Variants in RBMS3 observed in about 807,000 individuals in gnomAD.
The protein encoded by RBMS3 is RNA binding motif single stranded interacting protein 3, also known as RNA-binding motif, single-stranded-interacting protein 3.
In RBMS3, 27 loss-of-function variants were observed where a neutral mutation model predicts 66.8. The observed-to-expected ratio is 0.40, with a 90% CI of 0.30 to 0.56. RBMS3 has a LOEUF of 0.56. RBMS3 is among the 20% of genes least tolerant of loss of function. The pLI is 0.40. For missense variants in RBMS3, 513 were observed against 549.5 expected (o/e 0.93, Z 0.66); for synonymous variants, 188 against 183.0 (o/e 1.03, Z -0.22).
At chr3:29,520,973 A>C (rs926329919) in intron 3 of RBMS3, among the ~76,000 whole-genome samples, 2 of 151,986 alleles carry the variant, frequency 1.3e-5, no homozygotes, top group African/African-American at 2.4e-5. Context: ...GGTTGTTCCT[A>C]ACTGTGTTCA....
At chr3:29,559,475 C>T (rs530382247) in intron 3 of RBMS3, among the ~76,000 whole-genome samples, 3 of 126,042 alleles carry the variant, frequency 2.4e-5, no homozygotes, top group African/African-American at 9.3e-5. Flanking sequence ...TGTGCCACTG[C>T]ACCCCAGCCT....
At chr3:29,623,956 A>G (rs534620475) in intron 4 of RBMS3, among the ~76,000 whole-genome samples, 18 of 152,184 alleles carry the variant, frequency 1.2e-4, no homozygotes, top group South Asian at 2.1e-4. Flanking sequence ...AATTATGGGG[A>G]AAAAAAAGCA....
intron 1 of RBMS3, among the ~76,000 whole-genome samples, chr3:29,402,470 T>G (rs2039852753): frequency 6.6e-6 from 1 of 152,080 alleles, no homozygotes; most frequent in African/African-American, 2.4e-5. Context: ...TGTAGGTTTT[T>G]ACAACACCAG....
intron 1 of RBMS3, among the ~76,000 whole-genome samples, chr3:29,371,089 C>T (rs1005805302): frequency 6.6e-6 from 1 of 152,178 alleles, no homozygotes; most frequent in Non-Finnish European, 1.5e-5. Flanking sequence ...TTAGAATTCC[C>T]AAAACGCTGT....
At chr3:29,726,138 G>T (rs572889361) in intron 4 of RBMS3, among the ~76,000 whole-genome samples, 1 of 152,052 alleles carries the variant, frequency 6.6e-6, no homozygotes, top group Non-Finnish European at 1.5e-5. Context: ...TGCAGAAAAC[G>T]CCTTCGATAA....
intron 3 of RBMS3, among the ~76,000 whole-genome samples, chr3:29,579,628 A>G (rs1192504346): frequency 6.6e-6 from 1 of 152,214 alleles, no homozygotes; most frequent in Non-Finnish European, 1.5e-5. Flanking sequence ...TTGCTCATGC[A>G]GTCACCATTA....
rs2057379706 is a variant in RBMS3, at chr3:29,801,271, TC to T, written c.637+38283del. On this transcript the variant is annotated intron_variant, in intron 6 of 14. Transcript: ENST00000383767. ...AAACTTGAAGAATCATTGCTTTTTT[TC>T]TTTTTTTTTTTTTGAGACAAAGTCT... is the stretch of plus-strand genomic sequence containing the variant. 2.6e-5 allele frequency among the ~76,000 whole-genome samples: 3 copies of T among 115,138 alleles called. No individual in the cohort carries two copies. The South Asian group carries it at 7.0e-4, about 27-fold the overall frequency. 75.5% of individuals were successfully genotyped at this position (115,138 alleles called of 152,430 possible).
rs747239260 is a variant in RBMS3 at position 29,442,945 on chromosome 3, T to C, written c.248+8030T>C. Among the ~76,000 whole-genome samples the C allele has an allele frequency of 1.6e-4, 24 of 152,216 alleles. No homozygotes were observed. In the Middle Eastern group the frequency reaches 0.014, roughly 86 times the overall value. On this transcript the variant is annotated intron_variant, in intron 2 of 14. Coordinates refer to ENST00000383767, the MANE Select transcript of RBMS3 (RefSeq NM_001003793.3). ...GGAGATTGGACCCCTCTTTTCACTCTATAAACTGTCTGCTCTTTATTACAC... is the reference window on the plus strand; with the variant it reads ...GGAGATTGGACCCCTCTTTTCACTCCATAAACTGTCTGCTCTTTATTACAC...
At chr3:29,807,606 A>G (rs765104071) in intron 6 of RBMS3, among the ~76,000 whole-genome samples, 29 of 151,886 alleles carry the variant, frequency 1.9e-4, no homozygotes, top group Non-Finnish European at 3.2e-4. Context: ...GATTTTTAAA[A>G]CTTTTCAGTG....
chr3:29,383,753 A>G (rs2038876439), intron 1 of RBMS3, among the ~76,000 whole-genome samples: 1 of 152,212 alleles, frequency 6.6e-6, no homozygotes, highest in African/African-American at 2.4e-5. Context: ...CTGACTATCC[A>G]GGTTCAAATT....
intron 1 of RBMS3, among the ~76,000 whole-genome samples, chr3:29,382,079 G>C (rs980594307): frequency 6.6e-6 from 1 of 151,996 alleles, no homozygotes; most frequent in Non-Finnish European, 1.5e-5. Flanking sequence ...TTGCAGTTTT[G>C]AATAGAATCA....
intron 2 of RBMS3, among the ~76,000 whole-genome samples, chr3:29,448,349 G>A (rs927033583): frequency 5.9e-5 from 9 of 152,194 alleles, no homozygotes; most frequent in African/African-American, 1.9e-4. Flanking sequence ...CTGAGGAAGG[G>A]AAAGGAGGCG....
At chr3:29,293,388 T>G (rs115740659) in intron 1 of RBMS3, among the ~76,000 whole-genome samples, 4 of 151,404 alleles carry the variant, frequency 2.6e-5, no homozygotes, top group Non-Finnish European at 5.9e-5. Context: ...TAAACAAGAG[T>G]GAAGTTTGAG....
intron 10 of RBMS3, chr3:29,903,046 C>T (rs2060292896): frequency 6.6e-6 from 1 of 151,942 alleles, no homozygotes; most frequent in Non-Finnish European, 1.5e-5. Flanking sequence ...GAATAGAAAA[C>T]ATAAGCATAT....
At chr3:30,003,163 C>T (rs1421868791) in intron 14 of RBMS3, among the ~76,000 whole-genome samples, 1 of 151,984 alleles carries the variant, frequency 6.6e-6, no homozygotes, top group African/African-American at 2.4e-5. Context: ...AGAGTAAAGT[C>T]ATCCTGCTGG....
intron 12 of RBMS3, among the ~76,000 whole-genome samples, chr3:29,973,094 A>T (rs1261391342): frequency 6.6e-6 from 1 of 152,074 alleles, no homozygotes; most frequent in Non-Finnish European, 1.5e-5. Flanking sequence ...GATTATTTCA[A>T]ATTTAAAGAC....
intron 3 of RBMS3, among the ~76,000 whole-genome samples, chr3:29,502,944 G>T (rs1413519261): frequency 6.6e-6 from 1 of 152,046 alleles, no homozygotes; most frequent in Non-Finnish European, 1.5e-5. Flanking sequence ...TTTAAGTTCT[G>T]TTTGGCTTGC....
At chr3:29,698,177 TTATTCTA>T (rs2052368362) in intron 4 of RBMS3, 1 of 976,716 alleles carries the variant, frequency 1.0e-6, no homozygotes, top group East Asian at 1.1e-4. Context: ...CAGACTACTG[TTATTCTA>T]TTTATAGCCA....
chr3:29,656,411 C>A (rs1354517054), intron 4 of RBMS3, among the ~76,000 whole-genome samples: 1 of 152,096 alleles, frequency 6.6e-6, no homozygotes, highest in African/African-American at 2.4e-5. Context: ...AAGTTTGTAG[C>A]CTAGAAGCAA....
Sources: gnomAD v4.1 joint callset for allele counts (sites outside exome capture counted in the v4.1 genomes callset) on GRCh38, gnomAD v4.1.1 for gene constraint, MANE v1.5 for transcripts, NCBI Gene and HGNC (gene_info 2026-07-23, HGNC 2026-07-21) for gene names.